The following PHIP variants were observed in gnomAD, a reference collection of about 807,000 sequenced individuals.
PHIP encodes the protein PH-interacting protein.
A neutral mutation model predicts 236.8 loss-of-function variants in PHIP; 54 were observed. The observed-to-expected ratio is 0.23, with a 90% CI of 0.18 to 0.29. The LOEUF (loss-of-function observed/expected upper bound fraction) is 0.29, where lower values mean the gene tolerates loss of function less well. Ranked by LOEUF, PHIP falls within the 10% of genes least tolerant of loss-of-function variation. PHIP has a pLI of 1.00. For missense variants in PHIP, 1,370 were observed against 2,190.8 expected, an observed-to-expected ratio of 0.63 and a Z score of 7.48; for synonymous variants, 756 against 718.9, an observed-to-expected ratio of 1.05 and a Z score of -0.83.
intron 25 of PHIP, 80 bp from the exon 26 acceptor site, chr6:78,970,253 ACTT>A (rs1767439497): frequency 8.0e-7 from 1 of 1,255,470 alleles, no homozygotes; most frequent in South Asian, 1.4e-5. Flanking sequence ...TTGAGAAAAA[ACTT>A]CTTGGTTTAA....
intron 6 of PHIP, among the ~76,000 whole-genome samples, chr6:79,056,894 T>A (rs1773103784): frequency 6.6e-6 from 1 of 152,002 alleles, no homozygotes; most frequent in East Asian, 1.9e-4. Context: ...ACTCAGCGAG[T>A]GAATGAATAA....
rs1391855216 is a variant in PHIP, at chr6:78,953,962, GCACGC to G, written c.4053+847_4053+851del. Among the ~76,000 whole-genome samples the G allele has an allele frequency of 2.6e-5, 4 of 152,216 alleles. No individual in the cohort carries two copies. In the East Asian group the frequency reaches 7.7e-4, roughly 29 times the overall value. ...ACATTAAATTTAGATTGCTATGATT[GCACGC>G]CAAAATAAATACTTAAATCATGTTT... On this transcript the variant is annotated intron_variant, in intron 35 of 39. Coordinates refer to ENST00000275034, the MANE Select transcript of PHIP (RefSeq NM_017934.7).
intron 7 of PHIP, among the ~76,000 whole-genome samples, chr6:79,035,852 G>C (rs1258794682): frequency 6.6e-6 from 1 of 151,892 alleles, no homozygotes; most frequent in Non-Finnish European, 1.5e-5. Context: ...CAATCTATCA[G>C]ACCTGTGTTT....
chr6:78,973,271 C>A (rs1582141269), intron 24 of PHIP, among the ~76,000 whole-genome samples: 2 of 151,404 alleles, frequency 1.3e-5, no homozygotes, highest in Non-Finnish European at 2.9e-5. Flanking sequence ...CATATCCAGC[C>A]AAAGTAAGCT....
At chr6:78,969,244 G>A (rs183701568) in intron 27 of PHIP, among the ~76,000 whole-genome samples, 112 of 152,262 alleles carry the variant, frequency 7.4e-4, no homozygotes, top group South Asian at 1.7e-3. Context: ...AGGACAGACT[G>A]GTATATCAAT....
Position 78,936,108 on chromosome 6 carries a change from C to T in PHIP, c.*4585G>A, listed in dbSNP as rs867989443. ...TGTTTATAATATGATACTCCAGGTT[C>T]GGAAGGAAAAAAACAAACTTCAATA... On this transcript the variant is annotated 3_prime_UTR_variant, in exon 40 of 40. Coordinates refer to ENST00000275034, the MANE Select transcript of PHIP (RefSeq NM_017934.7). 6.6e-6 allele frequency: 1 copy of T among 151,622 alleles called. No individual in the cohort carries two copies. The highest frequency in any genetic ancestry group is 2.4e-5 in the African/African-American group (1 of 41,328). The allele number at this position is 151,622 out of a possible 1,614,324, so 9.4% of individuals were successfully genotyped here. A position where few individuals can be genotyped will look rare whatever the true frequency, so the allele number is the denominator to read the frequency against.
At chr6:79,043,408 C>T (rs1218983017) in intron 6 of PHIP, among the ~76,000 whole-genome samples, 4 of 152,098 alleles carry the variant, frequency 2.6e-5, no homozygotes, top group Non-Finnish European at 4.4e-5. Flanking sequence ...ACCCAGTGTA[C>T]TTTTCATAAA....
chr6:78,986,679 G>A (rs1416580092), intron 21 of PHIP, among the ~76,000 whole-genome samples: 1 of 151,934 alleles, frequency 6.6e-6, no homozygotes. Context: ...AGGACAATGG[G>A]GTGGATTCTT....
chr6:78,974,830 T>G (rs1045809298), intron 24 of PHIP, among the ~76,000 whole-genome samples: 2 of 150,814 alleles, frequency 1.3e-5, no homozygotes, highest in African/African-American at 4.9e-5. Context: ...CAGGAAGAAG[T>G]TGAATCTCTG....
Position 78,941,005 on chromosome 6 carries a change from C to T in PHIP, c.5154G>A (p.Arg1718=), listed in dbSNP as rs565631371. Residue 1718 remains arginine, a synonymous_variant, in exon 40 of 40, where the codon AGG becomes AGA. Transcript: ENST00000275034. The part of the protein sequence containing the change: ...KKNRGGRKPK[R]KMKTQKLDAD... ...CATCTAATTTTTGTGTCTTCATCTT[C>T]CTTTTGGGCTTCCTACCTCCACGAT... 6.2e-7 allele frequency: 1 copy of T among 1,613,914 alleles called. No homozygotes were observed. The highest frequency in any genetic ancestry group is 1.1e-5 in the South Asian group (1 of 91,082).
chr6:78,962,013 G>T (rs955278534), intron 30 of PHIP, among the ~76,000 whole-genome samples: 1 of 151,944 alleles, frequency 6.6e-6, no homozygotes, highest in East Asian at 1.9e-4. Context: ...AATTCTAGGG[G>T]TATTGTTTTA....
intron 6 of PHIP, among the ~76,000 whole-genome samples, chr6:79,054,159 A>C (rs759203728): frequency 3.0e-4 from 46 of 151,952 alleles, no homozygotes; most frequent in Admixed American, 9.8e-4. Flanking sequence ...TCTCACAGCT[A>C]ACCTGTTTTT....
In PHIP at chr6:79,017,358, T is replaced by C. The variant is rs1323492967; in HGVS notation, c.1124A>G (p.Asn375Ser). The part of the protein sequence containing the change: ...TDKVDSIQFS[N>S]TSNRFVSGSR... ...ACAAATATTTTACCTGTTACTAGTG[T>C]TGGAAAACTGGATACTGTCAACTTT... is the stretch of plus-strand genomic sequence containing the variant. The change falls in exon 12 of 40, where the codon AAC becomes AGC. Residue 375 changes from asparagine to serine, a missense_variant. Physicochemically the swap from Asn to Ser is conservative, Grantham distance 46 (BLOSUM62 1). Coordinates refer to ENST00000275034, the MANE Select transcript of PHIP (RefSeq NM_017934.7). 4 of 1,551,436 alleles carry C rather than the reference T, an allele frequency of 2.6e-6. No homozygotes were observed. Among genetic ancestry groups the C allele is most frequent in the African/African-American group, 1.4e-5 (1 of 72,674 alleles).
intron 16 of PHIP, among the ~76,000 whole-genome samples, 160 bp downstream of exon 16, chr6:79,003,570 C>A (rs1242998728): frequency 1.3e-5 from 2 of 151,884 alleles, no homozygotes; most frequent in Admixed American, 6.6e-5. Context: ...CTGTCTTCAC[C>A]TTCCTTTCCG....
In PHIP at chr6:78,939,512, T is replaced by C. The variant is rs935735586; in HGVS notation, c.*1181A>G. ...ACTATAAAGTATGACATTTTAAAAT[T>C]ATTTTTATTCTACTGCTATCTAAAA... On this transcript the variant is annotated 3_prime_UTR_variant, in exon 40 of 40. Transcript: ENST00000275034. 1 of 151,924 alleles carries C rather than the reference T, an allele frequency of 6.6e-6. No individual in the cohort carries two copies. The highest frequency in any genetic ancestry group is 2.4e-5 in the African/African-American group (1 of 41,438). The allele number at this position is 151,924 out of a possible 1,614,324, so 9.4% of individuals were successfully genotyped here. A position where few individuals can be genotyped will look rare whatever the true frequency, so the allele number is the denominator to read the frequency against.
At chr6:79,077,964 C>T in intron 1 of PHIP, 51 bp from the exon 2 acceptor site, 1 of 1,512,462 alleles carries the variant, frequency 6.6e-7, no homozygotes, top group Non-Finnish European at 9.1e-7. Flanking sequence ...GGTCGGGCGG[C>T]GGGGGGCGGG....
rs759451013 is a variant in PHIP at position 78,940,939 on chromosome 6, TCTC to T, written c.5217_5219del (p.Arg1740del). On this transcript the variant is annotated inframe_deletion, in exon 40 of 40. Transcript: ENST00000275034. ...GATCATCTATCTTTTTTCGGTTACT[TCTC>T]CTTAACACTTTGACACTTGCAGGGA... 5 of 1,614,046 alleles carry T rather than the reference TCTC, an allele frequency of 3.1e-6. No homozygotes were observed. Among genetic ancestry groups the T allele is most frequent in the South Asian group, 2.2e-5 (2 of 91,080 alleles).
In PHIP at chr6:78,949,684, T is replaced by C. The variant is rs544722781; in HGVS notation, c.4054-1909A>G. Among the ~76,000 whole-genome samples, 43 of 151,914 alleles carry C rather than the reference T, an allele frequency of 2.8e-4. No individual in the cohort carries two copies. The South Asian group carries it at 5.0e-3, about 18-fold the overall frequency. On this transcript the variant is annotated intron_variant, in intron 35 of 39. Coordinates refer to ENST00000275034, the MANE Select transcript of PHIP (RefSeq NM_017934.7). ...CCCCGACTTTTCTGGGACTCTTTTTTACTTTTTTTTTTTTGTTGTTAATGA... is the reference window on the plus strand; with the variant it reads ...CCCCGACTTTTCTGGGACTCTTTTTCACTTTTTTTTTTTTGTTGTTAATGA...
chr6:78,997,286 T>G, intron 19 of PHIP, 128 bp downstream of exon 19: 3 of 641,912 alleles, frequency 4.7e-6, no homozygotes, highest in Non-Finnish European at 8.2e-6. Context: ...CAGTCATGAA[T>G]AGTTTATACT....
Sources: gnomAD v4.1 joint callset for allele counts (sites outside exome capture counted in the v4.1 genomes callset) on GRCh38, gnomAD v4.1.1 for gene constraint, MANE v1.5 for transcripts, NCBI Gene and HGNC (gene_info 2026-07-23, HGNC 2026-07-21) for gene names.